NPIPB2: variants seen among roughly 807,000 people sequenced by gnomAD.
NPIPB2 encodes the protein nuclear pore complex interacting protein family member B2.
A neutral mutation model predicts 30.8 loss-of-function variants in NPIPB2; 27 were observed. That is an observed-to-expected ratio of 0.88 (90% CI 0.65 to 1.21). The LOEUF (loss-of-function observed/expected upper bound fraction) is 1.21. Among genes scored for constraint, NPIPB2 ranks in the 50% most tolerant of loss-of-function variants. The pLI is 0.00. For synonymous variants in NPIPB2, 147 were observed against 162.0 expected, an observed-to-expected ratio of 0.91 and a Z score of 0.70; for missense variants, 440 against 446.2, an observed-to-expected ratio of 0.99 and a Z score of 0.13.
rs147054078 is a variant in NPIPB2, at chr16:11,958,500, G to T, written c.-583-16386C>A. ...ATCCTAGCACTTTGGGAGGCCAAGT[G>T]GGGTGGATGGCTTGAGTCTAGGAGT... On this transcript the variant is annotated intron_variant, in intron 1 of 5. Coordinates refer to the NPIPB2 transcript ENST00000538896. Among the ~76,000 whole-genome samples, 207 of 152,074 alleles carry T rather than the reference G, an allele frequency of 1.4e-3. 1 individual carries two copies. The East Asian group carries it at 0.031, about 23-fold the overall frequency.
At chr16:11,946,259 C>A (rs1460033897), upstream of NPIPB2, among the ~76,000 whole-genome samples, 1 of 151,730 alleles carries the variant, frequency 6.6e-6, no homozygotes, top group Non-Finnish European at 1.5e-5. Context: ...GTGGCACATG[C>A]CTATAATCCC....
At chr16:11,937,715 A>T in intron 1 of NPIPB2, 47 bp from the exon 2 acceptor site, 1 of 1,589,908 alleles carries the variant, frequency 6.3e-7, no homozygotes, top group Non-Finnish European at 8.5e-7. Context: ...TGACACTGAC[A>T]ATATTTCACT....
At chr16:11,944,401 G>T (rs141268009), upstream of NPIPB2, among the ~76,000 whole-genome samples, 1,518 of 151,706 alleles carry the variant, frequency 0.01, 9 homozygotes, top group Middle Eastern at 0.02. Flanking sequence ...TCCTGACCTC[G>T]TGTGATCTGC....
chr16:11,950,215 T>A (rs1180024975), intron 1 of NPIPB2, among the ~76,000 whole-genome samples: 1 of 152,016 alleles, frequency 6.6e-6, no homozygotes, highest in African/African-American at 2.4e-5. Context: ...ATATTTTTAG[T>A]AGTAGTGATG....
At chr16:11,975,393 C>T (rs1354824121) in intron 1 of NPIPB2, among the ~76,000 whole-genome samples, 1 of 150,964 alleles carries the variant, frequency 6.6e-6, no homozygotes, top group East Asian at 2.0e-4. Context: ...GTGATCCGCC[C>T]GCCTCGGCCT....
upstream of NPIPB2, among the ~76,000 whole-genome samples, chr16:11,945,063 T>C (rs1261262693): frequency 6.6e-6 from 1 of 151,686 alleles, no homozygotes; most frequent in East Asian, 1.9e-4. Context: ...GGAGCATGCC[T>C]GTAATCCCAG....
At chr16:11,943,996 T>TAAAAAAAAA (rs2054973147), upstream of NPIPB2, among the ~76,000 whole-genome samples, 1 of 916 alleles carries the variant, frequency 1.1e-3, no homozygotes, top group Non-Finnish European at 4.4e-3. Flanking sequence ...AGACTCTGTC[T>TAAAAAAAAA]CAAAAAAAAA....
intron 1 of NPIPB2, among the ~76,000 whole-genome samples, chr16:11,973,434 A>G (rs1156934244): frequency 1.3e-5 from 2 of 152,198 alleles, no homozygotes; most frequent in African/African-American, 4.8e-5. Context: ...TAGTCCTTTG[A>G]AAGTTGCTGA....
intron 1 of NPIPB2, among the ~76,000 whole-genome samples, chr16:11,953,488 C>G (rs1476358944): frequency 1.3e-5 from 2 of 151,928 alleles, no homozygotes; most frequent in Non-Finnish European, 2.9e-5. Context: ...GTAGCTGAGA[C>G]TACAGGTGCA....
At chr16:11,964,312 C>T (rs1328525558) in intron 1 of NPIPB2, among the ~76,000 whole-genome samples, 2 of 152,018 alleles carry the variant, frequency 1.3e-5, no homozygotes, top group East Asian at 1.9e-4. Flanking sequence ...CCAAACCTAT[C>T]TTCCTCTCAG....
intron 1 of NPIPB2, chr16:11,965,303 C>T (rs775728959): frequency 5.6e-6 from 9 of 1,613,758 alleles, no homozygotes; most frequent in Non-Finnish European, 6.8e-6. Flanking sequence ...TTCTGTAGCT[C>T]CCTTGTTTTC....
intron 1 of NPIPB2, among the ~76,000 whole-genome samples, chr16:11,947,932 G>C (rs913864489): frequency 6.7e-6 from 1 of 149,586 alleles, no homozygotes; most frequent in African/African-American, 2.5e-5. Context: ...AAAAAATCAG[G>C]GGATTGCAAG....
At chr16:11,972,542 TC>T (rs2055242182) in intron 1 of NPIPB2, among the ~76,000 whole-genome samples, 3 of 151,768 alleles carry the variant, frequency 2.0e-5, no homozygotes, top group Middle Eastern at 3.4e-3. Context: ...ACCACTGCAC[TC>T]CAGCATGAGT....
intron 1 of NPIPB2, chr16:11,965,115 A>G (rs2055182849): frequency 6.6e-6 from 4 of 602,820 alleles, no homozygotes; most frequent in Non-Finnish European, 1.2e-5. Context: ...CCAAGACTCA[A>G]ACTTAGAAAC....
intron 1 of NPIPB2, among the ~76,000 whole-genome samples, chr16:11,963,151 CG>C (rs2055166567): frequency 6.6e-6 from 1 of 152,026 alleles, no homozygotes; most frequent in South Asian, 2.1e-4. Flanking sequence ...AGGCCAAGGC[CG>C]GTGGGTCACC....
chr16:11,937,681 T>G lies in NPIPB2; in HGVS notation c.64-13A>C. Reference sequence around the variant, plus strand: ...GAGTATTGATAACCTGGAATAATAATAGTTGAAATAATGAAAAGGTCAATG... The same window carrying G: ...GAGTATTGATAACCTGGAATAATAAGAGTTGAAATAATGAAAAGGTCAATG... On this transcript the variant is annotated splice_polypyrimidine_tract_variant and intron_variant, in intron 1 of 7. Coordinates refer to ENST00000399147, the Ensembl canonical transcript of NPIPB2. 3 of 1,598,014 alleles carry G rather than the reference T, an allele frequency of 1.9e-6. No individual in the cohort carries two copies. Among genetic ancestry groups the G allele is most frequent in the Non-Finnish European group, 2.5e-6 (3 of 1,178,974 alleles).
chr16:11,941,590 G>C (rs1596495323), intron 1 of NPIPB2, among the ~76,000 whole-genome samples: 1 of 124,420 alleles, frequency 8.0e-6, no homozygotes, highest in South Asian at 2.7e-4. Context: ...GTGAGGCTTA[G>C]GGGCAATTAG....
chr16:11,934,911 C>T (rs950816317), intron 2 of NPIPB2, among the ~76,000 whole-genome samples: 43 of 146,874 alleles, frequency 2.9e-4, no homozygotes, highest in Non-Finnish European at 4.9e-4. Flanking sequence ...GAACTGTACA[C>T]TTCAACACGG....
At chr16:11,970,050 C>A (rs1567480774) in intron 1 of NPIPB2, among the ~76,000 whole-genome samples, 1 of 151,848 alleles carries the variant, frequency 6.6e-6, no homozygotes, top group Non-Finnish European at 1.5e-5. Flanking sequence ...TTTAAGCACA[C>A]AAAAACTCCT....
Sources: gnomAD v4.1 joint callset for allele counts (sites outside exome capture counted in the v4.1 genomes callset) on GRCh38, gnomAD v4.1.1 for gene constraint, MANE v1.5 for transcripts, NCBI Gene and HGNC (gene_info 2026-07-23, HGNC 2026-07-21) for gene names.